The following SCUBE1 variants were observed in gnomAD, a reference collection of about 807,000 sequenced individuals.
SCUBE1 encodes the protein signal peptide, CUB and EGF-like domain-containing protein 1.
In SCUBE1, 59 loss-of-function variants were observed where a neutral mutation model predicts 124.4. The observed-to-expected ratio is 0.47, with a 90% CI of 0.38 to 0.59. SCUBE1 has a LOEUF of 0.59. Ranked by LOEUF, SCUBE1 falls within the 20% of genes least tolerant of loss-of-function variation. SCUBE1 has a pLI of 0.00. For missense variants in SCUBE1, 1,150 were observed against 1,371.2 expected (o/e 0.84, Z 2.55); for synonymous variants, 545 against 550.9 (o/e 0.99, Z 0.15).
intron 4 of SCUBE1, among the ~76,000 whole-genome samples, chr22:43,265,822 G>T (rs1315678815): frequency 6.6e-6 from 1 of 152,250 alleles, no homozygotes; most frequent in Non-Finnish European, 1.5e-5. Flanking sequence ...ACATGGGGGT[G>T]GGCATGGTGG....
chr22:43,220,351 T>C (rs1203270064), intron 14 of SCUBE1, 99 bp downstream of exon 14: 8 of 1,359,304 alleles, frequency 5.9e-6, no homozygotes, highest in Non-Finnish European at 8.2e-6. Flanking sequence ...TGTGCTCTGG[T>C]GGGAGCCTAG....
intron 3 of SCUBE1, among the ~76,000 whole-genome samples, chr22:43,303,294 G>A (rs1174142071): frequency 2.0e-5 from 3 of 152,206 alleles, no homozygotes; most frequent in African/African-American, 4.8e-5. Flanking sequence ...GAGCGTGAGC[G>A]TCCTTGGCAC....
intron 4 of SCUBE1, among the ~76,000 whole-genome samples, chr22:43,289,488 C>T (rs781624867): frequency 9.9e-5 from 15 of 152,268 alleles, no homozygotes; most frequent in Non-Finnish European, 1.8e-4. Context: ...GATTAGCAGG[C>T]CCGTCCTGCC....
chr22:43,339,322 C>T (rs1364204504), intron 1 of SCUBE1, 87 bp from the exon 2 acceptor site: 2 of 1,360,052 alleles, frequency 1.5e-6, no homozygotes, highest in South Asian at 2.6e-5. Context: ...GAGCTCTTGC[C>T]TTTGCCCGTC....
Position 43,311,586 on chromosome 22 carries a change from A to ATT in SCUBE1, c.349+8349_349+8350dup, listed in dbSNP as rs551808480. 6.5e-3 allele frequency among the ~76,000 whole-genome samples: 939 copies of ATT among 143,534 alleles called. 28 individuals are homozygous for ATT. The highest frequency in any genetic ancestry group is 0.042 in the Admixed American group (608 of 14,514). The allele number at this position is 143,534 out of a possible 152,430, so 94.2% of individuals were successfully genotyped here. On this transcript the variant is annotated intron_variant, in intron 3 of 21. Transcript: ENST00000360835. The stretch of plus-strand genomic sequence containing the variant: ...GAGGCGCCTGCCACCAAATCTGGCT[A>ATT]TTTTTTTTTTTTGTATTTTTAGTAG...
At chr22:43,296,401 G>A (rs895440727) in intron 3 of SCUBE1, among the ~76,000 whole-genome samples, 2 of 152,194 alleles carry the variant, frequency 1.3e-5, no homozygotes, top group African/African-American at 2.4e-5. Flanking sequence ...GGAGTGTCCC[G>A]CCTCTGAATC....
intron 2 of SCUBE1, 97 bp downstream of exon 2, chr22:43,339,007 G>C: frequency 7.2e-7 from 1 of 1,385,824 alleles, no homozygotes; most frequent in South Asian, 1.2e-5. Flanking sequence ...GGTGCTGGAG[G>C]CTCAGCCCCA....
intron 6 of SCUBE1, among the ~76,000 whole-genome samples, chr22:43,254,764 G>A (rs569415981): frequency 6.6e-6 from 1 of 152,356 alleles, no homozygotes; most frequent in East Asian, 1.9e-4. Flanking sequence ...CCAGAGGCCA[G>A]CAAAACAGCA....
chr22:43,202,416 G>GT lies in SCUBE1; in HGVS notation c.*1580dup, dbSNP rs1387780489. 1 of 152,236 alleles carries GT rather than the reference G, an allele frequency of 6.6e-6. No individual in the cohort carries two copies. Among genetic ancestry groups the GT allele is most frequent in the Non-Finnish European group, 1.5e-5 (1 of 68,046 alleles). 9.4% of individuals were successfully genotyped at this position (152,236 alleles called of 1,614,324 possible). A position where few individuals can be genotyped will look rare whatever the true frequency, so the allele number is the denominator to read the frequency against. On this transcript the variant is annotated 3_prime_UTR_variant, in exon 22 of 22. Transcript: ENST00000360835. The stretch of plus-strand genomic sequence containing the variant: ...TCTCCCAGGTTCCTTGGGATTTTCA[G>GT]TATTTGTTAACCTGAAACACACAGA...
chr22:43,262,980 C>G (rs935846694), intron 4 of SCUBE1, 135 bp from the exon 5 acceptor site: 2 of 864,530 alleles, frequency 2.3e-6, no homozygotes, highest in African/African-American at 3.4e-5. Flanking sequence ...TGCACACACA[C>G]GCACTTGCGC....
chr22:43,205,580 C>T lies in SCUBE1; in HGVS notation c.2815-1431G>A, dbSNP rs570726898. Among the ~76,000 whole-genome samples the T allele has an allele frequency of 2.4e-3, 368 of 150,936 alleles. 4 individuals carry two copies. The highest frequency in any genetic ancestry group is 6.8e-3 in the Middle Eastern group (2 of 294). ...ATCTCTGTGTACACACCCACCACAC[C>T]CCACACCACACACCCACTCACCACA... On this transcript the variant is annotated intron_variant, in intron 21 of 21. Coordinates refer to ENST00000360835, the MANE Select transcript of SCUBE1 (RefSeq NM_173050.5).
At chr22:43,273,593 A>C in intron 4 of SCUBE1, among the ~76,000 whole-genome samples, 1 of 39,818 alleles carries the variant, frequency 2.5e-5, no homozygotes, top group Non-Finnish European at 8.4e-5. Flanking sequence ...TTTGAGACAG[A>C]GTCTCACTCT....
At chr22:43,256,752 T>C (rs1276386203) in intron 6 of SCUBE1, among the ~76,000 whole-genome samples, 2 of 152,180 alleles carry the variant, frequency 1.3e-5, no homozygotes, top group Non-Finnish European at 2.9e-5. Context: ...TGGCAAACCC[T>C]GCGGAAGACC....
chr22:43,241,394 G>C (rs567840443), intron 6 of SCUBE1, among the ~76,000 whole-genome samples: 1 of 152,174 alleles, frequency 6.6e-6, no homozygotes, highest in Admixed American at 6.5e-5. Flanking sequence ...AAGAGGATCC[G>C]GTACGGAGCA....
At chr22:43,231,223 C>A (rs567370772) in intron 8 of SCUBE1, among the ~76,000 whole-genome samples, 1 of 152,186 alleles carries the variant, frequency 6.6e-6, no homozygotes, top group Non-Finnish European at 1.5e-5. Context: ...ATTTCACCAA[C>A]GGACCCTCCC....
At chr22:43,341,330 C>G (rs1927310024) in intron 1 of SCUBE1, among the ~76,000 whole-genome samples, 1 of 152,218 alleles carries the variant, frequency 6.6e-6, no homozygotes, top group Admixed American at 6.5e-5. Flanking sequence ...CTGTGCAGGA[C>G]TGGCACTGCC....
intron 6 of SCUBE1, among the ~76,000 whole-genome samples, chr22:43,250,372 A>G (rs1310560401): frequency 4.6e-5 from 7 of 152,176 alleles, no homozygotes; most frequent in Non-Finnish European, 1.0e-4. Context: ...TGGCTCTAAT[A>G]GTACGGAGGG....
At chr22:43,257,854 A>C (rs1923718026) in intron 6 of SCUBE1, among the ~76,000 whole-genome samples, 1 of 152,230 alleles carries the variant, frequency 6.6e-6, no homozygotes, top group African/African-American at 2.4e-5. Context: ...CTTCTGGAAC[A>C]GAAGGTCTTA....
chr22:43,213,949 G>A (rs1921685820), intron 16 of SCUBE1, 141 bp downstream of exon 16: 5 of 908,268 alleles, frequency 5.5e-6, no homozygotes, highest in South Asian at 5.3e-5. Flanking sequence ...AAGGGTTTTG[G>A]AAACGACAAG....
Sources: gnomAD v4.1 joint callset for allele counts (sites outside exome capture counted in the v4.1 genomes callset) on GRCh38, gnomAD v4.1.1 for gene constraint, MANE v1.5 for transcripts, NCBI Gene and HGNC (gene_info 2026-07-23, HGNC 2026-07-21) for gene names.